Variants in TIE1 observed in about 807,000 individuals in gnomAD.
The protein encoded by TIE1 is tyrosine kinase with immunoglobulin like and EGF like domains 1.
A neutral mutation model predicts 130.5 loss-of-function variants in TIE1; 89 were observed. That is an observed-to-expected ratio of 0.68 (90% CI 0.57 to 0.81). TIE1 has a LOEUF of 0.81. TIE1 is among the 40% of genes least tolerant of loss of function. The pLI is 0.00. For synonymous variants in TIE1, 568 were observed against 629.4 expected, an observed-to-expected ratio of 0.90 and a Z score of 1.46; for missense variants, 1,392 against 1,559.8, an observed-to-expected ratio of 0.89 and a Z score of 1.81.
At position 43,313,272 on chromosome 1, in the gene TIE1, G is replaced by C. The variant is rs747733742; in HGVS notation, c.2065G>C (p.Asp689His). The change falls in exon 13 of 23, where the codon GAC (aspartate) becomes CAC (histidine). Residue 689 changes from aspartate to histidine, a missense_variant. Physicochemically the swap from Asp to His is moderately conservative, Grantham distance 81. This residue lies in a region of TIE1 where 551 missense variants were observed against 565.5 expected (regional missense o/e 0.97). Transcript: ENST00000372476. This position sits in a 1 kb window ranked among gnomAD's most constrained non-coding sequence, Gnocchi z 6.2. ...VEVQVAGGAG[D>H]PLWIDVDRPE... Reference sequence around the variant, plus strand: ...GGTGCAGGTGGCTGGGGGTGCAGGAGACCCACTGTGGATAGACGTGGACAG... The same window carrying C: ...GGTGCAGGTGGCTGGGGGTGCAGGACACCCACTGTGGATAGACGTGGACAG... 1 of 1,614,058 alleles carries C rather than the reference G, an allele frequency of 6.2e-7. No individual in the cohort carries two copies. Among genetic ancestry groups the C allele is most frequent in the East Asian group, 2.2e-5 (1 of 44,872 alleles).
At position 43,319,628 on chromosome 1, in the gene TIE1, A is replaced by G. The variant is rs1175229862; in HGVS notation, c.3107+99A>G. 1.6e-6 allele frequency: 2 copies of G among 1,275,328 alleles called. No individual in the cohort carries two copies. Among genetic ancestry groups the G allele is most frequent in the Non-Finnish European group, 1.1e-6 (1 of 876,310 alleles). 79.0% of individuals were successfully genotyped at this position (1,275,328 alleles called of 1,614,324 possible). A position where few individuals can be genotyped will look rare whatever the true frequency, so the allele number is the denominator to read the frequency against. The stretch of plus-strand genomic sequence containing the variant: ...AGAAATGTCATAGGTGGTCTAAGGC[A>G]TGACCTGGGCTGTGTTCCAGGTGTG... On this transcript the variant is annotated intron_variant, in intron 19 of 22. Coordinates refer to ENST00000372476, the MANE Select transcript of TIE1 (RefSeq NM_005424.5). The surrounding 1 kb of genome is among the most constrained non-coding windows in gnomAD (Gnocchi z 4.7).
rs757648364 is a variant in TIE1 at position 43,311,911 on chromosome 1, T to G, written c.1492+82T>G. ...CAGTGAGCAGGAGAGGGAGGGCAAA[T>G]GGTGCGAGGGGGCTGAAGGGAGCAT... is the stretch of plus-strand genomic sequence containing the variant. On this transcript the variant is annotated intron_variant, in intron 10 of 22. Transcript: ENST00000372476. 25 of 1,571,884 alleles carry G rather than the reference T, an allele frequency of 1.6e-5. No individual in the cohort carries two copies. In the South Asian group the frequency reaches 3.0e-4, roughly 19 times the overall value.
At position 43,307,912 on chromosome 1, in the gene TIE1, T is replaced by A; in HGVS notation, c.1030T>A (p.Cys344Ser). 6.2e-7 allele frequency: 1 copy of A among 1,614,162 alleles called. No homozygotes were observed. Among genetic ancestry groups the A allele is most frequent in the Non-Finnish European group, 8.5e-7 (1 of 1,179,992 alleles). The change falls in exon 7 of 23, where the codon TGT (cysteine) becomes AGT (serine). Residue 344 changes from cysteine to serine, a missense_variant. Transcript: ENST00000372476. This position sits in a 1 kb window ranked among gnomAD's most constrained non-coding sequence, Gnocchi z 5.4. ...CCCCTCTGGGTGGCATGGAGTGCAC[T>A]GTGAGAAGTCAGGTATAAGCACTAT... is the stretch of plus-strand genomic sequence containing the variant. ...VCPSGWHGVHCEKSDRIPQIL... is the reference protein window; with the variant it reads ...VCPSGWHGVHSEKSDRIPQIL...
chr1:43,313,129 C>T lies in TIE1; in HGVS notation c.1928-6C>T. 1 of 1,596,978 alleles carries T rather than the reference C, an allele frequency of 6.3e-7. No homozygotes were observed. The highest frequency in any genetic ancestry group is 8.5e-7 in the Non-Finnish European group (1 of 1,172,378). On this transcript the variant is annotated splice_region_variant and splice_polypyrimidine_tract_variant and intron_variant, in intron 12 of 22. Transcript: ENST00000372476. The surrounding 1 kb of genome is among the most constrained non-coding windows in gnomAD (Gnocchi z 6.2). ...TGAGCCTTGCCTTCCCCCACCATCT[C>T]CCCAGGGCCTCCAGCCCCCCGACAC... is the stretch of plus-strand genomic sequence containing the variant.
rs960132639 is a variant in TIE1, at chr1:43,321,650, C to T, written c.3280C>T (p.Pro1094Ser). The T allele has an allele frequency of 6.4e-7, 1 of 1,553,542 alleles. No individual in the cohort carries two copies. The change falls in exon 22 of 23, where the codon CCC becomes TCC. Residue 1094 changes from proline to serine, a missense_variant. By Grantham distance (74) the Pro-to-Ser change is moderately conservative. Coordinates refer to ENST00000372476, the MANE Select transcript of TIE1 (RefSeq NM_005424.5). ...ELMRQCWRDR[P>S]YERPPFAQIA... The stretch of plus-strand genomic sequence containing the variant: ...GATGCGTCAGTGCTGGCGGGACCGT[C>T]CCTATGAGCGACCCCCCTTTGCCCA...
In TIE1 at chr1:43,313,275, C is replaced by T; in HGVS notation, c.2068C>T (p.Pro690Ser). Residue 690 changes from proline (P) to serine (S), a missense_variant, in exon 13 of 23, where the codon CCA becomes TCA. Transcript: ENST00000372476. This position sits in a 1 kb window ranked among gnomAD's most constrained non-coding sequence, Gnocchi z 6.2. ...EVQVAGGAGD[P>S]LWIDVDRPEE... ...GCAGGTGGCTGGGGGTGCAGGAGAC[C>T]CACTGTGGATAGACGTGGACAGGCC... 1 of 1,613,982 alleles carries T rather than the reference C, an allele frequency of 6.2e-7. No homozygotes were observed. Among genetic ancestry groups the T allele is most frequent in the South Asian group, 1.1e-5 (1 of 91,086 alleles).
chr1:43,311,753 TG>T lies in TIE1; in HGVS notation c.1420del (p.Asp474MetfsTer31). The T allele has an allele frequency of 6.2e-7, 1 of 1,614,124 alleles. No homozygotes were observed. Among genetic ancestry groups the T allele is most frequent in the Non-Finnish European group, 8.5e-7 (1 of 1,180,018 alleles). ...LVVSPLVSFS[G>X]DGPISTVRLH... ...TGGTCTCCCCGCTGGTCTCGTTCTCTGGGGATGGACCCATCTCCACTGTCCG... is the reference window on the plus strand; with the variant it reads ...TGGTCTCCCCGCTGGTCTCGTTCTCTGGGATGGACCCATCTCCACTGTCCG... On this transcript the variant is annotated frameshift_variant, in exon 10 of 23. Transcript: ENST00000372476. LOFTEE classifies it high-confidence loss of function.
chr1:43,311,782 T>C lies in TIE1; in HGVS notation c.1445T>C (p.Leu482Pro). The stretch of plus-strand genomic sequence containing the variant: ...GATGGACCCATCTCCACTGTCCGCC[T>C]GCACTACCGGCCCCAGGACAGTACC... ...SGDGPISTVR[L>P]HYRPQDSTMD... is the part of the protein sequence containing the mutation. The change falls in exon 10 of 23, where the codon CTG becomes CCG. Residue 482 changes from leucine (L) to proline (P), a missense_variant. Leu to Pro is a moderately conservative substitution (Grantham distance 98). Transcript: ENST00000372476. 1 of 1,614,080 alleles carries C rather than the reference T, an allele frequency of 6.2e-7. No individual in the cohort carries two copies. Among genetic ancestry groups the C allele is most frequent in the Non-Finnish European group, 8.5e-7 (1 of 1,179,980 alleles).
rs1646709708 is a variant in TIE1 at position 43,304,950 on chromosome 1, G to GCTCGGACGCCTGGGGCCCGCCC, written c.161_182dup (p.Leu62GlyfsTer86). The stretch of plus-strand genomic sequence containing the variant: ...TCTGGGGAGGCCGGGGCGGGGAGGG[G>GCTCGGACGCCTGGGGCCCGCCC]CTCGGACGCCTGGGGCCCGCCCCTG... On this transcript the variant is annotated frameshift_variant, in exon 2 of 23. Coordinates refer to ENST00000372476, the MANE Select transcript of TIE1 (RefSeq NM_005424.5). LOFTEE classifies it high-confidence loss of function. 4 of 1,452,762 alleles carry GCTCGGACGCCTGGGGCCCGCCC rather than the reference G, an allele frequency of 2.8e-6. No individual in the cohort carries two copies. The African/African-American group carries it at 5.8e-5, about 21-fold the overall frequency. 90.0% of individuals were successfully genotyped at this position (1,452,762 alleles called of 1,614,324 possible).
Position 43,309,209 on chromosome 1 carries a change from C to G in TIE1, c.1188+78C>G, listed in dbSNP as rs1646763893. Reference sequence around the variant, plus strand: ...GCTGATCCCTAAGACCCCCTAGTCCCTCAGAACTTTCTGCAGGGCCCACCC... The same window carrying G: ...GCTGATCCCTAAGACCCCCTAGTCCGTCAGAACTTTCTGCAGGGCCCACCC... On this transcript the variant is annotated intron_variant, in intron 8 of 22. Coordinates refer to ENST00000372476, the MANE Select transcript of TIE1 (RefSeq NM_005424.5). This position sits in a 1 kb window ranked among gnomAD's most constrained non-coding sequence, Gnocchi z 6.3. The G allele has an allele frequency of 1.3e-6, 2 of 1,522,494 alleles. No individual in the cohort carries two copies. Among genetic ancestry groups the G allele is most frequent in the Non-Finnish European group, 1.8e-6 (2 of 1,134,232 alleles). The allele number at this position is 1,522,494 out of a possible 1,614,324, so 94.3% of individuals were successfully genotyped here.
chr1:43,313,334 C>T lies in TIE1; in HGVS notation c.2127C>T (p.Asn709=). Residue 709 remains asparagine, a synonymous_variant, in exon 13 of 23, where the codon AAC becomes AAT. Coordinates refer to ENST00000372476, the MANE Select transcript of TIE1 (RefSeq NM_005424.5). This position sits in a 1 kb window ranked among gnomAD's most constrained non-coding sequence, Gnocchi z 6.2. The part of the protein sequence containing the change: ...EETSTIIRGL[N]ASTRYLFRMR... ...CAAGCACCATCATCCGTGGCCTCAA[C>T]GCCAGCACGCGCTACCTCTTCCGCA... 1.9e-6 allele frequency: 3 copies of T among 1,614,032 alleles called. No individual in the cohort carries two copies. Among genetic ancestry groups the T allele is most frequent in the Non-Finnish European group, 2.5e-6 (3 of 1,179,970 alleles).
chr1:43,304,013 G>C (rs1340828770), intron 1 of TIE1, among the ~76,000 whole-genome samples: 1 of 152,244 alleles, frequency 6.6e-6, no homozygotes, highest in Admixed American at 6.5e-5. Context: ...GACCTACCTC[G>C]TGTCTGTGTC....
chr1:43,317,757 GGGC>G lies in TIE1; in HGVS notation c.2731+84_2731+86del. On this transcript the variant is annotated intron_variant, in intron 16 of 22. Transcript: ENST00000372476. The surrounding 1 kb of genome is among the most constrained non-coding windows in gnomAD (Gnocchi z 5.1). Reference sequence around the variant, plus strand: ...CTCCACCACATGAGTAGCTTGCCAGGGGCTGCTGGTGACCTGTGCACCACCCTT... The same window carrying G: ...CTCCACCACATGAGTAGCTTGCCAGGTGCTGGTGACCTGTGCACCACCCTT... The G allele has an allele frequency of 1.0e-5, 15 of 1,473,008 alleles. No homozygotes were observed. The highest frequency in any genetic ancestry group is 2.0e-4 in the Middle Eastern group (1 of 5,076). The allele number at this position is 1,473,008 out of a possible 1,614,324, so 91.2% of individuals were successfully genotyped here.
Position 43,311,657 on chromosome 1 carries a change from G to C in TIE1, c.1334-14G>C. 6.2e-7 allele frequency: 1 copy of C among 1,608,976 alleles called. No individual in the cohort carries two copies. The highest frequency in any genetic ancestry group is 8.5e-7 in the Non-Finnish European group (1 of 1,178,104). ...AGGCTGTGTGCCCATGCCTTACCCT[G>C]AGTCTCCTGGCAGTGCCCCCCGTGC... On this transcript the variant is annotated splice_polypyrimidine_tract_variant and intron_variant, in intron 9 of 22. Transcript: ENST00000372476.
At chr1:43,310,641 G>C (rs1478264731) in intron 9 of TIE1, among the ~76,000 whole-genome samples, 4 of 152,120 alleles carry the variant, frequency 2.6e-5, no homozygotes, top group Non-Finnish European at 5.9e-5. Flanking sequence ...CCATGAAGTG[G>C]GGCATCTACT....
rs1360477850 is a variant in TIE1 at position 43,316,313 on chromosome 1, C to T, written c.2410-886C>T. ...AACATCACGTGCATTTGCTATGTGC[C>T]GTCAGCACCAGTGCTTCTTGCAAAT... is the stretch of plus-strand genomic sequence containing the variant. On this transcript the variant is annotated intron_variant, in intron 14 of 22. Coordinates refer to ENST00000372476, the MANE Select transcript of TIE1 (RefSeq NM_005424.5). The surrounding 1 kb of genome is among the most constrained non-coding windows in gnomAD (Gnocchi z 4.4). Among the ~76,000 whole-genome samples the T allele has an allele frequency of 2.0e-5, 3 of 152,194 alleles. No homozygotes were observed. The highest frequency in any genetic ancestry group is 6.5e-5 in the Admixed American group (1 of 15,286).
rs1247961029 is a variant in TIE1, at chr1:43,322,142, G to A, written c.3345+427G>A. The stretch of plus-strand genomic sequence containing the variant: ...TATGAATGAATGAATGGAATTAGTG[G>A]ATAGATGATACAATAATCATATGAA... On this transcript the variant is annotated intron_variant, in intron 22 of 22. Transcript: ENST00000372476. This position sits in a 1 kb window ranked among gnomAD's most constrained non-coding sequence, Gnocchi z 4.0. 6.6e-6 allele frequency among the ~76,000 whole-genome samples: 1 copy of A among 152,112 alleles called. No homozygotes were observed. Among genetic ancestry groups the A allele is most frequent in the African/African-American group, 2.4e-5 (1 of 41,408 alleles).
rs1157345009 is a variant in TIE1 at position 43,316,171 on chromosome 1, T to A, written c.2410-1028T>A. ...AGTGCACACGTGCATCCCCTGTGAG[T>A]GCCACATGTTTAAATGCGTGTGTCC... On this transcript the variant is annotated intron_variant, in intron 14 of 22. Coordinates refer to ENST00000372476, the MANE Select transcript of TIE1 (RefSeq NM_005424.5). The surrounding 1 kb of genome is among the most constrained non-coding windows in gnomAD (Gnocchi z 4.4). 2.0e-5 allele frequency among the ~76,000 whole-genome samples: 3 copies of A among 152,246 alleles called. No homozygotes were observed. The highest frequency in any genetic ancestry group is 4.8e-5 in the African/African-American group (2 of 41,464).
Position 43,312,824 on chromosome 1 carries a change from G to A in TIE1, c.1927+223G>A, listed in dbSNP as rs6676865. On this transcript the variant is annotated intron_variant, in intron 12 of 22. Coordinates refer to ENST00000372476, the MANE Select transcript of TIE1 (RefSeq NM_005424.5). This position sits in a 1 kb window ranked among gnomAD's most constrained non-coding sequence, Gnocchi z 5.6. ...AGATCACCAGGAGCATGTGGGGAGAGCATGGGGAGGTCAGGGTTCATGGCG... is the reference window on the plus strand; with the variant it reads ...AGATCACCAGGAGCATGTGGGGAGAACATGGGGAGGTCAGGGTTCATGGCG... 5.5e-3 allele frequency among the ~76,000 whole-genome samples: 830 copies of A among 152,270 alleles called. 12 individuals carry two copies. The highest frequency in any genetic ancestry group is 0.019 in the African/African-American group (790 of 41,538).
Sources: allele counts gnomAD v4.1 joint callset (sites outside exome capture counted in the v4.1 genomes callset), GRCh38; gene constraint gnomAD v4.1.1; regional missense constraint gnomAD v4.1.1; non-coding constraint Gnocchi (gnomAD v3.1); transcripts MANE v1.5; gene names NCBI Gene and HGNC (gene_info 2026-07-23, HGNC 2026-07-21).